L3MBTL3: variants seen among roughly 807,000 people sequenced by gnomAD.
L3MBTL3 encodes L3MBTL histone methyl-lysine binding protein 3.
In L3MBTL3, 27 loss-of-function variants were observed where a neutral mutation model predicts 102.3. The observed-to-expected ratio is 0.26, with a 90% CI of 0.19 to 0.36. The LOEUF (loss-of-function observed/expected upper bound fraction) is 0.36, where lower values mean the gene tolerates loss of function less well. Among genes scored for constraint, L3MBTL3 ranks in the 10% least tolerant of loss-of-function variants. L3MBTL3 has a pLI of 1.00. For synonymous variants in L3MBTL3, 340 were observed against 320.9 expected (o/e 1.06, Z -0.64); for missense variants, 798 against 955.3 (o/e 0.84, Z 2.17).
intron 3 of L3MBTL3, among the ~76,000 whole-genome samples, chr6:130,047,459 G>A (rs1219316166): frequency 4.6e-5 from 7 of 152,286 alleles, no homozygotes; most frequent in Non-Finnish European, 8.8e-5. Flanking sequence ...ACTCAGTGAT[G>A]TTTTCTTTCT....
At chr6:130,063,154 A>G (rs1782022344) in intron 10 of L3MBTL3, among the ~76,000 whole-genome samples, 1 of 152,146 alleles carries the variant, frequency 6.6e-6, no homozygotes, top group South Asian at 2.1e-4. Context: ...TCCAAGTCTT[A>G]GGCAGAAGGA....
intron 3 of L3MBTL3, among the ~76,000 whole-genome samples, 173 bp from the exon 4 acceptor site, chr6:130,049,109 T>C (rs1459093094): frequency 6.6e-6 from 1 of 152,156 alleles, no homozygotes; most frequent in African/African-American, 2.4e-5. Context: ...ATTCCAAAAT[T>C]AGTAAAATGC....
rs1788245096 is a variant in L3MBTL3 at position 130,141,170 on chromosome 6, T to G, written c.*1417T>G. The G allele has an allele frequency of 6.6e-6, 1 of 152,210 alleles. No homozygotes were observed. The highest frequency in any genetic ancestry group is 2.1e-4 in the South Asian group (1 of 4,838). 9.4% of individuals were successfully genotyped at this position (152,210 alleles called of 1,614,324 possible). A position where few individuals can be genotyped will look rare whatever the true frequency, so the allele number is the denominator to read the frequency against. On this transcript the variant is annotated 3_prime_UTR_variant, in exon 23 of 23. Transcript: ENST00000361794. Reference sequence around the variant, plus strand: ...CATGCTGTCTGAATTCTGGGGTAAGTTCCACCTCTTCTTTAGTTGCTTTCG... The same window carrying G: ...CATGCTGTCTGAATTCTGGGGTAAGGTCCACCTCTTCTTTAGTTGCTTTCG...
intron 22 of L3MBTL3, among the ~76,000 whole-genome samples, chr6:130,138,823 TTGCTC>T (rs1462294379): frequency 2.6e-5 from 4 of 152,212 alleles, no homozygotes; most frequent in African/African-American, 9.7e-5. Context: ...GACTGTTTCT[TTGCTC>T]TGCCCAGTAA....
Position 130,033,258 on chromosome 6 carries a change from T to C in L3MBTL3, c.-15-9427T>C, listed in dbSNP as rs9372953. On this transcript the variant is annotated intron_variant, in intron 2 of 22. Transcript: ENST00000361794. ...TTATATGCCACATTCATAAGGTGAT[T>C]AGCAGTGGGGAGACTCCTTGGAGAT... Among the ~76,000 whole-genome samples, 242 of 152,290 alleles carry C rather than the reference T, an allele frequency of 1.6e-3. 8 individuals carry two copies. The East Asian group carries it at 0.042, about 26-fold the overall frequency.
intron 19 of L3MBTL3, among the ~76,000 whole-genome samples, chr6:130,105,396 T>G (rs1784924248): frequency 6.6e-6 from 1 of 152,034 alleles, no homozygotes; most frequent in South Asian, 2.1e-4. Flanking sequence ...TTGGATGGAG[T>G]AGGGGACACC....
chr6:130,134,474 T>TA (rs1787401703), intron 22 of L3MBTL3, among the ~76,000 whole-genome samples: 3 of 152,168 alleles, frequency 2.0e-5, no homozygotes, highest in Admixed American at 6.5e-5. Context: ...AAAACTTCAA[T>TA]ATAAGGGGTG....
intron 10 of L3MBTL3, among the ~76,000 whole-genome samples, chr6:130,063,876 A>G (rs1441633590): frequency 1.3e-5 from 2 of 152,206 alleles, no homozygotes; most frequent in African/African-American, 2.4e-5. Context: ...TATTCCCAGT[A>G]CGAGAACTGA....
chr6:130,114,067 C>T (rs1276488784), intron 19 of L3MBTL3, among the ~76,000 whole-genome samples: 1 of 152,154 alleles, frequency 6.6e-6, no homozygotes, highest in Non-Finnish European at 1.5e-5. Context: ...TGTAAAACCT[C>T]TTCTCCCTTT....
At chr6:130,105,621 C>CAAAAAAAAA in intron 19 of L3MBTL3, among the ~76,000 whole-genome samples, 1 of 122,526 alleles carries the variant, frequency 8.2e-6, no homozygotes, top group Non-Finnish European at 1.7e-5. Context: ...GACCCTGTCT[C>CAAAAAAAAA]AAAAAAAAAA....
intron 9 of L3MBTL3, among the ~76,000 whole-genome samples, chr6:130,057,821 A>T (rs567858486): frequency 6.6e-6 from 1 of 152,206 alleles, no homozygotes; most frequent in Non-Finnish European, 1.5e-5. Context: ...AGGAAATTTC[A>T]TGTCAACATT....
chr6:130,049,887 C>T (rs13205520), intron 5 of L3MBTL3, 57 bp downstream of exon 5: 3 of 1,552,242 alleles, frequency 1.9e-6, no homozygotes, highest in Middle Eastern at 1.7e-4. Context: ...TTTCTCCCCT[C>T]CCCACAAACC....
chr6:130,054,466 G>A (rs1015084973), intron 7 of L3MBTL3, among the ~76,000 whole-genome samples: 13 of 152,340 alleles, frequency 8.5e-5, no homozygotes, highest in African/African-American at 2.9e-4. Flanking sequence ...GACAACGTAA[G>A]AAGGCTGAAG....
chr6:130,020,037 G>C (rs1778867684), intron 1 of L3MBTL3, among the ~76,000 whole-genome samples: 1 of 140,118 alleles, frequency 7.1e-6, no homozygotes, highest in Non-Finnish European at 1.6e-5. Context: ...GTGGGGGGAG[G>C]GTGGGGGCGG....
chr6:130,106,204 TA>T (rs1261984017), intron 19 of L3MBTL3, among the ~76,000 whole-genome samples: 5 of 152,226 alleles, frequency 3.3e-5, no homozygotes, highest in African/African-American at 1.2e-4. Context: ...ACCTAATAAT[TA>T]TTACCTATTA....
intron 10 of L3MBTL3, among the ~76,000 whole-genome samples, chr6:130,064,476 A>G (rs1174979727): frequency 2.0e-5 from 3 of 152,178 alleles, no homozygotes; most frequent in Non-Finnish European, 4.4e-5. Flanking sequence ...AAGGGAGTCA[A>G]AATGCCAGGG....
chr6:130,096,630 A>G (rs1375178664), intron 18 of L3MBTL3, among the ~76,000 whole-genome samples: 1 of 152,116 alleles, frequency 6.6e-6, no homozygotes, highest in Non-Finnish European at 1.5e-5. Flanking sequence ...CCCCTCCCTG[A>G]TGGCCCAGCC....
At chr6:130,105,420 G>A (rs1022631980) in intron 19 of L3MBTL3, among the ~76,000 whole-genome samples, 1 of 151,978 alleles carries the variant, frequency 6.6e-6, no homozygotes, top group Non-Finnish European at 1.5e-5. Flanking sequence ...AACTTCTTCT[G>A]GTATTAACAA....
chr6:130,105,983 C>G (rs1005993772), intron 19 of L3MBTL3, among the ~76,000 whole-genome samples: 2 of 152,094 alleles, frequency 1.3e-5, no homozygotes, highest in Non-Finnish European at 2.9e-5. Context: ...CTAACCGTTT[C>G]GGTGTTCTGT....
Sources: gnomAD v4.1 joint callset for allele counts (sites outside exome capture counted in the v4.1 genomes callset) on GRCh38, gnomAD v4.1.1 for gene constraint, MANE v1.5 for transcripts, NCBI Gene and HGNC (gene_info 2026-07-23, HGNC 2026-07-21) for gene names.